Variants in ADGRB3 observed in about 807,000 individuals in gnomAD.
ADGRB3 encodes the protein brain-specific angiogenesis inhibitor 3.
ADGRB3 carries 37 observed loss-of-function variants against 193.4 expected under a neutral mutation model. The observed-to-expected ratio is 0.19, with a 90% CI of 0.15 to 0.25. The LOEUF (loss-of-function observed/expected upper bound fraction) is 0.25, where lower values mean the gene tolerates loss of function less well. Ranked by LOEUF, ADGRB3 falls within the 10% of genes least tolerant of loss-of-function variation. ADGRB3 has a pLI of 1.00. For missense variants in ADGRB3, 1,637 were observed against 1,852.9 expected (o/e 0.88, Z 2.14); for synonymous variants, 690 against 644.2 (o/e 1.07, Z -1.08).
At position 69,374,004 on chromosome 6, in the gene ADGRB3, C is replaced by T. The variant is rs532453871; in HGVS notation, c.4275+1563C>T. Among the ~76,000 whole-genome samples, 33 of 152,104 alleles carry T rather than the reference C, an allele frequency of 2.2e-4. 1 individual carries two copies. Among genetic ancestry groups the T allele is most frequent in the South Asian group, 6.2e-4 (3 of 4,824 alleles). On this transcript the variant is annotated intron_variant, in intron 30 of 31. Coordinates refer to ENST00000370598, the MANE Select transcript of ADGRB3 (RefSeq NM_001704.3). Reference sequence around the variant, plus strand: ...TTCCTTAAGCTGATACTTACTTCTACGCTTATTATTCCACCCATAAAACCA... The same window carrying T: ...TTCCTTAAGCTGATACTTACTTCTATGCTTATTATTCCACCCATAAAACCA...
chr6:68,645,583 G>A (rs889809926), intron 3 of ADGRB3, among the ~76,000 whole-genome samples: 4 of 152,138 alleles, frequency 2.6e-5, no homozygotes, highest in Non-Finnish European at 4.4e-5. Flanking sequence ...AATAAACTGA[G>A]AATAATACCT....
rs751653688 is a variant in ADGRB3, at chr6:68,944,024, G to T, written c.1195+30G>T. Reference sequence around the variant, plus strand: ...GCCTATTCTGCATTTGGTTATGTTTGCATTATGTGCTTTTTATATGATTCC... The same window carrying T: ...GCCTATTCTGCATTTGGTTATGTTTTCATTATGTGCTTTTTATATGATTCC... On this transcript the variant is annotated intron_variant, in intron 6 of 31. Transcript: ENST00000370598. 1.5e-5 allele frequency: 23 copies of T among 1,568,702 alleles called. 1 individual carries two copies. In the Admixed American group the frequency reaches 1.9e-4, roughly 13 times the overall value.
chr6:69,050,552 G>T (rs768622938), intron 15 of ADGRB3, among the ~76,000 whole-genome samples: 4 of 152,178 alleles, frequency 2.6e-5, no homozygotes, highest in Non-Finnish European at 5.9e-5. Context: ...GTTACTCACA[G>T]ATAAAATTTA....
chr6:68,826,916 T>C (rs1767854617), intron 3 of ADGRB3, among the ~76,000 whole-genome samples: 1 of 152,120 alleles, frequency 6.6e-6, no homozygotes, highest in Non-Finnish European at 1.5e-5. Flanking sequence ...GAGGTCAGTT[T>C]TGAGATGTCA....
intron 17 of ADGRB3, among the ~76,000 whole-genome samples, chr6:69,138,951 G>C (rs1774232283): frequency 6.6e-6 from 1 of 152,220 alleles, no homozygotes; most frequent in African/African-American, 2.4e-5. Flanking sequence ...ACTCTATTCA[G>C]AGTAAGTAGA....
At chr6:69,036,705 T>C (rs1770882175) in intron 13 of ADGRB3, among the ~76,000 whole-genome samples, 1 of 152,068 alleles carries the variant, frequency 6.6e-6, no homozygotes, top group South Asian at 2.1e-4. Context: ...AAGGAAAGAA[T>C]GTTCTAGTTA....
At chr6:69,254,761 G>T (rs1412830637) in intron 20 of ADGRB3, among the ~76,000 whole-genome samples, 3 of 150,382 alleles carry the variant, frequency 2.0e-5, no homozygotes, top group Non-Finnish European at 4.4e-5. Flanking sequence ...CAATCTGCAG[G>T]TTAGTTACAT....
rs138576286 is a variant in ADGRB3 at position 68,956,655 on chromosome 6, A to T, written c.1371A>T (p.Gln457His). 7 of 1,614,002 alleles carry T rather than the reference A, an allele frequency of 4.3e-6. No homozygotes were observed. The East Asian group carries it at 1.6e-4, about 36-fold the overall frequency. Residue 457 changes from glutamine to histidine, a missense_variant, in exon 8 of 32, where the codon CAA becomes CAT. Gln to His is a conservative substitution (Grantham distance 24, BLOSUM62 0). Around this residue, in one of 7 missense-constraint regions of ADGRB3, gnomAD observed 641 missense variants for 673.9 expected, o/e 0.95. Coordinates refer to ENST00000370598, the MANE Select transcript of ADGRB3 (RefSeq NM_001704.3). ...AAACATTTCTTTCAGCCAATGGTCAATGGAATCAGTGGGGTCATTGGAGTG... is the reference window on the plus strand; with the variant it reads ...AAACATTTCTTTCAGCCAATGGTCATTGGAATCAGTGGGGTCATTGGAGTG... ...CYNPECTANGQWNQWGHWSGC... is the reference protein window; with the variant it reads ...CYNPECTANGHWNQWGHWSGC...
intron 13 of ADGRB3, among the ~76,000 whole-genome samples, chr6:69,024,846 A>G (rs1434904859): frequency 6.6e-6 from 1 of 152,114 alleles, no homozygotes; most frequent in Non-Finnish European, 1.5e-5. Context: ...TAATCCCAGC[A>G]CTTTGGGAGG....
chr6:68,839,132 C>A (rs1226673467), intron 3 of ADGRB3, among the ~76,000 whole-genome samples: 1 of 151,048 alleles, frequency 6.6e-6, no homozygotes, highest in Admixed American at 6.6e-5. Flanking sequence ...ACACATTAGA[C>A]CTTCCTATAA....
chr6:69,331,592 GA>G, intron 23 of ADGRB3: 2 of 985,228 alleles, frequency 2.0e-6, no homozygotes, highest in Non-Finnish European at 2.4e-6. Context: ...TAATTTGCAA[GA>G]AAAATAAAAT....
intron 17 of ADGRB3, among the ~76,000 whole-genome samples, chr6:69,115,426 C>A (rs1467874745): frequency 6.6e-6 from 1 of 151,800 alleles, no homozygotes; most frequent in Non-Finnish European, 1.5e-5. Flanking sequence ...AGGGGAACAG[C>A]ACACCCTGGG....
chr6:69,047,952 C>A (rs1217621923), intron 13 of ADGRB3, among the ~76,000 whole-genome samples: 1 of 152,096 alleles, frequency 6.6e-6, no homozygotes, highest in Non-Finnish European at 1.5e-5. Flanking sequence ...CATTATTGAC[C>A]ACCATTGTAT....
intron 3 of ADGRB3, among the ~76,000 whole-genome samples, chr6:68,703,959 G>A (rs897627236): frequency 3.9e-5 from 6 of 152,088 alleles, no homozygotes; most frequent in Non-Finnish European, 1.5e-5. Context: ...AGATGTTTCT[G>A]CAAAATTTAA....
intron 3 of ADGRB3, among the ~76,000 whole-genome samples, chr6:68,889,511 T>A (rs1322788804): frequency 6.6e-6 from 1 of 150,994 alleles, no homozygotes; most frequent in East Asian, 1.9e-4. Context: ...TCTTTTATTT[T>A]TTTTTTTTTG....
chr6:69,109,360 C>T (rs1226177424), intron 17 of ADGRB3, among the ~76,000 whole-genome samples: 1 of 152,242 alleles, frequency 6.6e-6, no homozygotes, highest in Non-Finnish European at 1.5e-5. Context: ...GGCATAATAT[C>T]AATATTATTT....
At chr6:68,814,367 G>T (rs1182770643) in intron 3 of ADGRB3, among the ~76,000 whole-genome samples, 1 of 152,160 alleles carries the variant, frequency 6.6e-6, no homozygotes, top group Non-Finnish European at 1.5e-5. Flanking sequence ...TTTGAGAAGT[G>T]TCTGTTCATA....
chr6:68,699,214 G>A (rs1002832335), intron 3 of ADGRB3, among the ~76,000 whole-genome samples: 2 of 151,898 alleles, frequency 1.3e-5, no homozygotes, highest in Non-Finnish European at 2.9e-5. Context: ...TTTACATTTT[G>A]CAGATACTTC....
chr6:68,827,577 T>C (rs1357673243), intron 3 of ADGRB3, among the ~76,000 whole-genome samples: 1 of 151,362 alleles, frequency 6.6e-6, no homozygotes, highest in East Asian at 1.9e-4. Context: ...AAGGATGAGA[T>C]CTAATGTGTT....
Sources: allele counts gnomAD v4.1 joint callset (sites outside exome capture counted in the v4.1 genomes callset), GRCh38; gene constraint gnomAD v4.1.1; regional missense constraint gnomAD v4.1.1; transcripts MANE v1.5; gene names NCBI Gene and HGNC (gene_info 2026-07-23, HGNC 2026-07-21).